The following GRID2 variants were observed in gnomAD, a reference collection of about 807,000 sequenced individuals.
GRID2 encodes the protein glutamate receptor ionotropic, delta-2.
In GRID2, 33 loss-of-function variants were observed where a neutral mutation model predicts 114.8. The observed-to-expected ratio is 0.29, with a 90% CI of 0.22 to 0.38. The LOEUF is 0.38. Ranked by LOEUF, GRID2 falls within the 10% of genes least tolerant of loss-of-function variation. GRID2 has a pLI of 1.00. For missense variants in GRID2, 1,184 were observed against 1,257.7 expected (o/e 0.94, Z 0.89); for synonymous variants, 505 against 449.9 (o/e 1.12, Z -1.55).
chr4:93,461,619 A>G (rs1251679023), intron 11 of GRID2, among the ~76,000 whole-genome samples: 1 of 152,164 alleles, frequency 6.6e-6, no homozygotes, highest in Non-Finnish European at 1.5e-5. Flanking sequence ...ATTTTAAAAA[A>G]TCTGTAACTT....
intron 1 of GRID2, among the ~76,000 whole-genome samples, chr4:92,520,946 C>T (rs181540922): frequency 6.6e-6 from 1 of 151,914 alleles, no homozygotes; most frequent in Non-Finnish European, 1.5e-5. Flanking sequence ...AATGATGCCA[C>T]TTCCATTTTG....
chr4:92,747,649 T>C (rs1737218175), intron 2 of GRID2, among the ~76,000 whole-genome samples: 1 of 152,212 alleles, frequency 6.6e-6, no homozygotes, highest in Non-Finnish European at 1.5e-5. Context: ...TTTTATATTA[T>C]ACAAGAAAAG....
rs189034982 is a variant in GRID2, at chr4:92,488,165, A to G, written c.89-101966A>G. Among the ~76,000 whole-genome samples the G allele has an allele frequency of 9.9e-5, 15 of 152,284 alleles. No homozygotes were observed. The East Asian group carries it at 2.9e-3, about 29-fold the overall frequency. On this transcript the variant is annotated intron_variant, in intron 1 of 15. Coordinates refer to ENST00000282020, the MANE Select transcript of GRID2 (RefSeq NM_001510.4). ...TAAAGGTATAATGTGACATAATCTA[A>G]TACTCAATTCCTGTCAAATGTTTGG...
chr4:93,667,109 T>G (rs1256199890), intron 14 of GRID2, among the ~76,000 whole-genome samples: 2 of 152,192 alleles, frequency 1.3e-5, no homozygotes, highest in Non-Finnish European at 2.9e-5. Context: ...TTGCCTTCAC[T>G]TAGCATATTC....
chr4:92,974,883 A>C (rs1019439400), intron 2 of GRID2, among the ~76,000 whole-genome samples: 4 of 151,970 alleles, frequency 2.6e-5, no homozygotes, highest in South Asian at 4.1e-4. Context: ...ACAGGCCGGG[A>C]GCGGCGGCTC....
intron 1 of GRID2, among the ~76,000 whole-genome samples, chr4:92,514,046 A>G (rs1724382059): frequency 1.3e-5 from 2 of 151,878 alleles, no homozygotes; most frequent in South Asian, 4.1e-4. Context: ...AAGGACCAAC[A>G]ATGGGCAGGC....
chr4:92,845,698 G>A (rs1743263786), intron 2 of GRID2, among the ~76,000 whole-genome samples: 1 of 152,002 alleles, frequency 6.6e-6, no homozygotes, highest in Non-Finnish European at 1.5e-5. Context: ...TGTTGTTGTT[G>A]CATGCATTTT....
chr4:93,451,230 T>G (rs1200046113), intron 10 of GRID2, among the ~76,000 whole-genome samples: 1 of 152,050 alleles, frequency 6.6e-6, no homozygotes, highest in East Asian at 1.9e-4. Flanking sequence ...ATTGAAAAGA[T>G]CATATAAACA....
chr4:92,767,411 G>A (rs1464126478), intron 2 of GRID2, among the ~76,000 whole-genome samples: 1 of 152,258 alleles, frequency 6.6e-6, no homozygotes, highest in East Asian at 1.9e-4. Flanking sequence ...TTTGAGCAAA[G>A]CACTAGACCC....
intron 1 of GRID2, among the ~76,000 whole-genome samples, chr4:92,454,162 C>T (rs1721090715): frequency 6.6e-6 from 1 of 152,076 alleles, no homozygotes. Flanking sequence ...ATTTGAGTGT[C>T]TAAGTCATAA....
intron 2 of GRID2, among the ~76,000 whole-genome samples, chr4:92,683,881 G>T (rs1490962421): frequency 2.0e-5 from 3 of 151,662 alleles, no homozygotes; most frequent in Admixed American, 1.3e-4. Context: ...AACAAATGTT[G>T]ATATGATTAT....
rs555671232 is a variant in GRID2, at chr4:93,003,562, ATC to A, written c.245-81428_245-81427del. Reference sequence around the variant, plus strand: ...ATACATTTGTGATATTACTTTTCTTATCTCTCCTCACTATTTTGAGCAATCTT... The same window carrying A: ...ATACATTTGTGATATTACTTTTCTTATCTCCTCACTATTTTGAGCAATCTT... On this transcript the variant is annotated intron_variant, in intron 2 of 15. Coordinates refer to ENST00000282020, the MANE Select transcript of GRID2 (RefSeq NM_001510.4). Among the ~76,000 whole-genome samples the A allele has an allele frequency of 2.9e-3, 438 of 152,056 alleles. 3 individuals are homozygous for A. The highest frequency in any genetic ancestry group is 0.01 in the African/African-American group (421 of 41,532).
intron 13 of GRID2, among the ~76,000 whole-genome samples, chr4:93,598,769 A>T (rs1448923386): frequency 6.6e-6 from 1 of 152,146 alleles, no homozygotes; most frequent in Non-Finnish European, 1.5e-5. Context: ...ATCCTCTTTC[A>T]TAGCTTTCTG....
chr4:93,448,631 G>A (rs1481086342), intron 10 of GRID2, among the ~76,000 whole-genome samples: 2 of 151,864 alleles, frequency 1.3e-5, no homozygotes, highest in Admixed American at 6.6e-5. Flanking sequence ...AACAGTAAGA[G>A]AAGGCTTTTC....
chr4:93,439,788 A>T (rs930798622), intron 10 of GRID2, among the ~76,000 whole-genome samples: 9 of 152,010 alleles, frequency 5.9e-5, no homozygotes, highest in African/African-American at 2.2e-4. Flanking sequence ...TGAGAATGTG[A>T]TGAGTTGTCC....
intron 8 of GRID2, among the ~76,000 whole-genome samples, chr4:93,253,160 G>A (rs1347578027): frequency 2.0e-5 from 3 of 151,900 alleles, no homozygotes; most frequent in Non-Finnish European, 2.9e-5. Context: ...GGAGGCTGAG[G>A]CAGGAGAATG....
intron 14 of GRID2, among the ~76,000 whole-genome samples, chr4:93,692,300 A>G (rs138276950): frequency 3.0e-3 from 464 of 152,244 alleles, no homozygotes; most frequent in Middle Eastern, 6.8e-3. Flanking sequence ...AGCCAGCCAC[A>G]TGGATATGAA....
intron 2 of GRID2, among the ~76,000 whole-genome samples, chr4:92,737,882 G>A (rs1736679861): frequency 6.6e-6 from 1 of 152,088 alleles, no homozygotes; most frequent in African/African-American, 2.4e-5. Context: ...AATGTAGGAA[G>A]TTTCTTCTCT....
At chr4:92,517,814 G>A (rs1724573787) in intron 1 of GRID2, among the ~76,000 whole-genome samples, 1 of 151,782 alleles carries the variant, frequency 6.6e-6, no homozygotes, top group Admixed American at 6.6e-5. Flanking sequence ...CCACTATGTG[G>A]AGACCCACAT....
Sources: allele counts gnomAD v4.1 joint callset (sites outside exome capture counted in the v4.1 genomes callset), GRCh38; gene constraint gnomAD v4.1.1; transcripts MANE v1.5; gene names NCBI Gene and HGNC (gene_info 2026-07-23, HGNC 2026-07-21).